SHTN1: variants seen among roughly 807,000 people sequenced by gnomAD.
The protein encoded by SHTN1 is shootin-1.
A neutral mutation model predicts 83.1 loss-of-function variants in SHTN1; 42 were observed. The observed-to-expected ratio is 0.51, with a 90% CI of 0.39 to 0.65. The LOEUF is 0.65. SHTN1 is among the 30% of genes least tolerant of loss of function. The probability of loss-of-function intolerance (pLI) is 0.00; values close to 1 mark genes in which losing one functional copy is unlikely to be tolerated. For missense variants in SHTN1, 622 were observed against 737.8 expected (o/e 0.84, Z 1.82); for synonymous variants, 224 against 247.7 (o/e 0.90, Z 0.90).
chr10:116,900,099 G>C (rs1847678944), intron 16 of SHTN1, among the ~76,000 whole-genome samples: 3 of 152,150 alleles, frequency 2.0e-5, no homozygotes, highest in African/African-American at 7.2e-5. Context: ...TTAAGAAACA[G>C]ATTTTTCCAG....
intron 1 of SHTN1, among the ~76,000 whole-genome samples, chr10:117,089,068 G>A (rs1330611271): frequency 6.6e-6 from 1 of 152,122 alleles, no homozygotes; most frequent in African/African-American, 2.4e-5. Context: ...CTAACCCATG[G>A]TAGGGCTGTA....
chr10:116,886,550 C>A lies in SHTN1; in HGVS notation c.1690G>T (p.Gly564Ter), dbSNP rs1847169735. 2 of 1,613,844 alleles carry A rather than the reference C, an allele frequency of 1.2e-6. No individual in the cohort carries two copies. Among genetic ancestry groups the A allele is most frequent in the Non-Finnish European group, 8.5e-7 (1 of 1,180,004 alleles). Reference protein sequence around the residue: ...KVTFQPPSSIGCRKKYIDGEK... With the variant: ...KVTFQPPSSI ...CCGTCAATGTATTTTTTCCTGCATC[C>A]AATGCTACTGGGAGGCCTATGAGAT... The change falls in exon 17 of 17, where the codon GGA becomes TGA. Residue 564 changes from glycine (G) to a stop codon, truncating the protein, a stop_gained. Transcript: ENST00000355371. LOFTEE classifies it high-confidence loss of function.
At chr10:117,076,443 T>C (rs1853155322) in intron 1 of SHTN1, among the ~76,000 whole-genome samples, 1 of 152,204 alleles carries the variant, frequency 6.6e-6, no homozygotes. Context: ...TCCTCCATCA[T>C]TCACTTATCT....
At chr10:117,053,024 A>AAAAAAAAAAAAAAAAAAAAAAAAAAAAT in intron 1 of SHTN1, among the ~76,000 whole-genome samples, 1 of 51,368 alleles carries the variant, frequency 1.9e-5, no homozygotes, top group South Asian at 1.4e-3. Context: ...TGTCTCAAAA[A>AAAAAAAAAAAAAAAAAAAAAAAAAAAAT]AAAAAAGAAT....
rs1372309973 is a variant in SHTN1, at chr10:116,884,635, GA to G, written c.*1708del. ...GCTGGCAGACAGATCACAGATGCAA[GA>G]AGGAAGACAGCACAAAGAAACATGA... On this transcript the variant is annotated 3_prime_UTR_variant, in exon 17 of 17. Coordinates refer to ENST00000355371, the MANE Select transcript of SHTN1 (RefSeq NM_001127211.3). 1 of 168,142 alleles carries G rather than the reference GA, an allele frequency of 5.9e-6. No individual in the cohort carries two copies. The highest frequency in any genetic ancestry group is 2.4e-5 in the African/African-American group (1 of 41,690). 10.4% of individuals were successfully genotyped at this position (168,142 alleles called of 1,614,324 possible).
rs1348279303 is a variant in SHTN1, at chr10:116,911,821, T to C, written c.1328A>G (p.Glu443Gly). Residue 443 changes from glutamate (E) to glycine (G), a missense_variant, in exon 14 of 17, where the codon GAA becomes GGA. By Grantham distance (98) the Glu-to-Gly change is moderately conservative (BLOSUM62 -2). Transcript: ENST00000355371. ...KTKPESSKGC[E>G]SAVDELKGIL... ...TCCTTTTAGTTCATCCACTGCACTT[T>C]CGCAGCCTTTCGAAGATTCTGGCTA... 3 of 1,612,976 alleles carry C rather than the reference T, an allele frequency of 1.9e-6. No individual in the cohort carries two copies. Among genetic ancestry groups the C allele is most frequent in the South Asian group, 2.2e-5 (2 of 91,048 alleles).
Position 116,881,703 on chromosome 10 carries a change from C to A in SHTN1, c.*4641G>T. ...ACACCCCAGGTTCCAGCCACACCAT[C>A]AGTATTAGTAGACCGGGAGGTCTGA... On this transcript the variant is annotated 3_prime_UTR_variant, in exon 17 of 17. Coordinates refer to ENST00000355371, the MANE Select transcript of SHTN1 (RefSeq NM_001127211.3). 1 of 1,433,978 alleles carries A rather than the reference C, an allele frequency of 7.0e-7. No individual in the cohort carries two copies. Among genetic ancestry groups the A allele is most frequent in the Non-Finnish European group, 9.2e-7 (1 of 1,087,902 alleles). 88.8% of individuals were successfully genotyped at this position (1,433,978 alleles called of 1,614,324 possible).
rs143557177 is a variant in SHTN1, at chr10:116,980,958, A to G, written c.59-1650T>C. Among the ~76,000 whole-genome samples the G allele has an allele frequency of 3.3e-5, 5 of 152,368 alleles. No individual in the cohort carries two copies. The East Asian group carries it at 9.6e-4, about 29-fold the overall frequency. ...AATTTTATTGAAGCCACATCCCAAA[A>G]TAATCCTTGAAAACTAGTCCATAAA... On this transcript the variant is annotated intron_variant, in intron 1 of 16. Coordinates refer to ENST00000355371, the MANE Select transcript of SHTN1 (RefSeq NM_001127211.3).
intron 1 of SHTN1, among the ~76,000 whole-genome samples, chr10:116,992,387 G>C (rs568892395): frequency 6.6e-6 from 1 of 152,128 alleles, no homozygotes; most frequent in African/African-American, 2.4e-5. Flanking sequence ...AAAATAGGAC[G>C]TGCCTCTAAA....
chr10:117,115,332 A>C (rs1359329350), intron 1 of SHTN1, among the ~76,000 whole-genome samples: 2 of 152,152 alleles, frequency 1.3e-5, no homozygotes, highest in Non-Finnish European at 2.9e-5. Context: ...AGAATGAAAA[A>C]TAATTATATA....
At position 116,886,059 on chromosome 10, in the gene SHTN1, A is replaced by G. The variant is rs1589771698; in HGVS notation, c.*285T>C. 1 of 403,544 alleles carries G rather than the reference A, an allele frequency of 2.5e-6. No homozygotes were observed. Among genetic ancestry groups the G allele is most frequent in the East Asian group, 4.4e-5 (1 of 22,946 alleles). 25.0% of individuals were successfully genotyped at this position (403,544 alleles called of 1,614,324 possible). ...TTTCCTAAAAAGGTATCAACATCTG[A>G]ATTTTTTTGTAACCTTCTAAAAGAA... On this transcript the variant is annotated 3_prime_UTR_variant, in exon 17 of 17. Coordinates refer to ENST00000355371, the MANE Select transcript of SHTN1 (RefSeq NM_001127211.3).
At chr10:116,936,565 C>G (rs1849171690) in intron 9 of SHTN1, among the ~76,000 whole-genome samples, 1 of 151,992 alleles carries the variant, frequency 6.6e-6, no homozygotes, top group African/African-American at 2.4e-5. Flanking sequence ...CTGCATTTGC[C>G]AAGGAGTGTT....
intron 2 of SHTN1, among the ~76,000 whole-genome samples, chr10:117,037,540 C>T (rs568352304): frequency 1.7e-4 from 26 of 152,122 alleles, no homozygotes; most frequent in Non-Finnish European, 3.2e-4. Context: ...ATTACACAGA[C>T]ATTGACAAGC....
intron 15 of SHTN1, among the ~76,000 whole-genome samples, chr10:116,902,820 G>A (rs973734630): frequency 1.3e-5 from 2 of 152,196 alleles, no homozygotes; most frequent in Non-Finnish European, 2.9e-5. Context: ...AGTAAGAAGA[G>A]CACAAAACTT....
At chr10:116,900,848 T>C (rs1317316531) in intron 16 of SHTN1, 2 of 985,266 alleles carry the variant, frequency 2.0e-6, no homozygotes, top group Non-Finnish European at 2.4e-6. Flanking sequence ...AGGCCATTCA[T>C]TCCAGAAGAG....
intron 1 of SHTN1, among the ~76,000 whole-genome samples, chr10:117,124,396 C>T (rs1279883207): frequency 6.6e-6 from 1 of 152,046 alleles, no homozygotes; most frequent in Non-Finnish European, 1.5e-5. Flanking sequence ...AGTGGTATAC[C>T]AGTACTCAGA....
At position 116,935,765 on chromosome 10, in the gene SHTN1, G is replaced by C. The variant is rs180996444; in HGVS notation, c.858+4701C>G. Among the ~76,000 whole-genome samples the C allele has an allele frequency of 2.6e-5, 4 of 152,248 alleles. No individual in the cohort carries two copies. In the South Asian group the frequency reaches 8.3e-4, roughly 32 times the overall value. Reference sequence around the variant, plus strand: ...GTACCAGCTCCTCTTGGTACCTCTGGTAGAAATCAGCTGTGAATCCATCTG... The same window carrying C: ...GTACCAGCTCCTCTTGGTACCTCTGCTAGAAATCAGCTGTGAATCCATCTG... On this transcript the variant is annotated intron_variant, in intron 9 of 16. Transcript: ENST00000355371.
chr10:117,005,236 A>T, upstream of SHTN1: 1 of 1,490,484 alleles, frequency 6.7e-7, no homozygotes, highest in Non-Finnish European at 8.9e-7. Context: ...GGAGCGCGCG[A>T]GTGAGATCAT....
chr10:116,977,376 G>A (rs931505431), intron 2 of SHTN1, among the ~76,000 whole-genome samples: 1 of 151,976 alleles, frequency 6.6e-6, no homozygotes, highest in Admixed American at 6.6e-5. Context: ...TGTTCTTCTC[G>A]TGGGTCAGGA....
Sources: gnomAD v4.1 joint callset for allele counts (sites outside exome capture counted in the v4.1 genomes callset) on GRCh38, gnomAD v4.1.1 for gene constraint, MANE v1.5 for transcripts, NCBI Gene and HGNC (gene_info 2026-07-23, HGNC 2026-07-21) for gene names.